Variants in NFIB observed in about 807,000 individuals in gnomAD.
The protein encoded by NFIB is nuclear factor I B.
Under a neutral mutation model 61.5 loss-of-function variants are expected in NFIB, and 11 were observed. The ratio of observed to expected loss-of-function variants is 0.18; its 90% CI spans 0.11 to 0.30. The LOEUF (loss-of-function observed/expected upper bound fraction) is 0.30. Among genes scored for constraint, NFIB ranks in the 10% least tolerant of loss-of-function variants. The pLI is 1.00. For synonymous variants in NFIB, 260 were observed against 216.5 expected (o/e 1.20, Z -1.76); for missense variants, 471 against 608.9 (o/e 0.77, Z 2.38).
intron 2 of NFIB, among the ~76,000 whole-genome samples, chr9:14,231,120 GAAAAA>G (rs1188458970): frequency 1.5e-5 from 1 of 65,794 alleles, no homozygotes; most frequent in African/African-American, 5.8e-5. Flanking sequence ...TTTCCATGGG[GAAAAA>G]AAAAAAAAAA....
chr9:14,267,080 T>A (rs1325885207), intron 2 of NFIB, among the ~76,000 whole-genome samples: 1 of 152,100 alleles, frequency 6.6e-6, no homozygotes, highest in East Asian at 1.9e-4. Flanking sequence ...ACAGTTCTCA[T>A]CATAAGATGA....
At chr9:14,509,885 T>A in the NFIB span, among the ~76,000 whole-genome samples, 1 of 152,168 alleles carries the variant, frequency 6.6e-6, no homozygotes, top group South Asian at 2.1e-4. Flanking sequence ...ACTCATTTTA[T>A]TTTTTACATT....
chr9:14,412,726 T>C, the NFIB span, among the ~76,000 whole-genome samples: 1 of 152,060 alleles, frequency 6.6e-6, no homozygotes, highest in South Asian at 2.1e-4. Flanking sequence ...ATGCAGACTG[T>C]GAAGGCACTC....
intron 4 of NFIB, among the ~76,000 whole-genome samples, chr9:14,155,608 C>A (rs2043302558): frequency 1.3e-5 from 2 of 151,926 alleles, no homozygotes; most frequent in African/African-American, 4.8e-5. Context: ...TCAGAAAAAC[C>A]CCAAAATTAT....
chr9:14,486,387 C>T, the NFIB span, among the ~76,000 whole-genome samples: 1,441 of 152,130 alleles, frequency 9.5e-3, 23 homozygotes, highest in African/African-American at 0.033. Context: ...CAGGAGGATT[C>T]GTTGTCAAGG....
In NFIB at chr9:14,297,472, T is replaced by A. The variant is rs1345520800; in HGVS notation, c.562+9517A>T. ...TGAAAAGCATTTAAATTCCTTGATC[T>A]TGTGAACATTCCTGGGGGAAAAACA... On this transcript the variant is annotated intron_variant, in intron 2 of 10. Transcript: ENST00000380953. 3.3e-5 allele frequency among the ~76,000 whole-genome samples: 5 copies of A among 152,218 alleles called. No homozygotes were observed. In the East Asian group the frequency reaches 9.6e-4, roughly 29 times the overall value.
the NFIB span, among the ~76,000 whole-genome samples, chr9:14,491,825 T>A: frequency 6.6e-6 from 1 of 152,176 alleles, no homozygotes; most frequent in Non-Finnish European, 1.5e-5. Context: ...CATTTTTTCA[T>A]AAAGGAGGCC....
intron 2 of NFIB, among the ~76,000 whole-genome samples, chr9:14,299,572 T>C (rs1055130939): frequency 6.6e-6 from 1 of 152,250 alleles, no homozygotes; most frequent in East Asian, 1.9e-4. Flanking sequence ...AACTGGTTTA[T>C]GCTTCATCAA....
intron 2 of NFIB, among the ~76,000 whole-genome samples, chr9:14,220,408 T>C (rs7029180): frequency 0.2 from 30,548 of 152,112 alleles, 3,146 homozygotes; most frequent in Non-Finnish European, 0.22. Context: ...TTCCATGTAT[T>C]GTACTAGGGG....
intron 3 of NFIB, among the ~76,000 whole-genome samples, chr9:14,168,659 A>C (rs144179613): frequency 2.8e-4 from 42 of 152,368 alleles, no homozygotes; most frequent in African/African-American, 4.1e-4. Flanking sequence ...TGTAATGGAT[A>C]TATCAGAGGG....
chr9:14,389,809 A>G (rs1459948174), intron 1 of NFIB, among the ~76,000 whole-genome samples: 3 of 152,150 alleles, frequency 2.0e-5, no homozygotes, highest in Non-Finnish European at 4.4e-5. Flanking sequence ...ATCATCATCA[A>G]CCAATCAGAG....
At chr9:14,526,833 G>C in the NFIB span, among the ~76,000 whole-genome samples, 1 of 152,128 alleles carries the variant, frequency 6.6e-6, no homozygotes, top group Non-Finnish European at 1.5e-5. Context: ...ATAGATAGAA[G>C]AGATAACTCT....
intron 2 of NFIB, among the ~76,000 whole-genome samples, chr9:14,303,800 C>T (rs1224107837): frequency 6.6e-6 from 1 of 152,134 alleles, no homozygotes; most frequent in Non-Finnish European, 1.5e-5. Context: ...AACAAAATGG[C>T]GGTTCTTGTA....
intron 2 of NFIB, among the ~76,000 whole-genome samples, chr9:14,241,944 G>C (rs1042362064): frequency 6.6e-6 from 1 of 152,012 alleles, no homozygotes; most frequent in African/African-American, 2.4e-5. Flanking sequence ...ACAAGAAATG[G>C]TCATTTATAA....
chr9:14,511,711 A>G, the NFIB span, among the ~76,000 whole-genome samples: 8 of 152,150 alleles, frequency 5.3e-5, no homozygotes, highest in Admixed American at 5.2e-4. Context: ...GCTTCTAGGT[A>G]TTTTGGTTCT....
intron 2 of NFIB, among the ~76,000 whole-genome samples, chr9:14,224,706 A>T (rs1470776782): frequency 6.6e-6 from 1 of 152,158 alleles, no homozygotes; most frequent in Non-Finnish European, 1.5e-5. Context: ...TATACAAGGA[A>T]CTTGAGCATT....
At chr9:14,346,546 G>A (rs1275372755) in intron 1 of NFIB, among the ~76,000 whole-genome samples, 2 of 152,116 alleles carry the variant, frequency 1.3e-5, no homozygotes, top group African/African-American at 2.4e-5. Flanking sequence ...GACGGATTTC[G>A]TTTCTATTCC....
chr9:14,363,719 C>T (rs1035916258), intron 1 of NFIB, among the ~76,000 whole-genome samples: 3 of 151,906 alleles, frequency 2.0e-5, no homozygotes, highest in Non-Finnish European at 4.4e-5. Flanking sequence ...CGTAATCCCA[C>T]ACAGCTGAGA....
At chr9:14,271,748 G>A (rs796729005) in intron 2 of NFIB, among the ~76,000 whole-genome samples, 12 of 152,220 alleles carry the variant, frequency 7.9e-5, no homozygotes, top group African/African-American at 2.6e-4. Flanking sequence ...ACACTGTAAG[G>A]TTGAATAATA....
Sources: gnomAD v4.1 joint callset for allele counts (sites outside exome capture counted in the v4.1 genomes callset) on GRCh38, gnomAD v4.1.1 for gene constraint, MANE v1.5 for transcripts, NCBI Gene and HGNC (gene_info 2026-07-23, HGNC 2026-07-21) for gene names.